The following NTSR2 variants were observed in gnomAD, a reference collection of about 807,000 sequenced individuals.
NTSR2 encodes neurotensin receptor 2.
A neutral mutation model predicts 24.1 loss-of-function variants in NTSR2; 22 were observed. The ratio of observed to expected loss-of-function variants is 0.91; its 90% CI spans 0.65 to 1.30. The LOEUF is 1.30. Ranked by LOEUF, NTSR2 falls within the 50% of genes most tolerant of loss-of-function variation. The pLI, the probability that NTSR2 is intolerant of heterozygous loss-of-function variation, is 0.00. For synonymous variants in NTSR2, 291 were observed against 267.0 expected (o/e 1.09, Z -0.88); for missense variants, 570 against 570.4 (o/e 1.00, Z 0.01).
At chr2:11,666,171 G>A (rs570974030) in intron 1 of NTSR2, among the ~76,000 whole-genome samples, 1 of 152,274 alleles carries the variant, frequency 6.6e-6, no homozygotes, top group East Asian at 1.9e-4. Flanking sequence ...GATCTCCCAG[G>A]CAAAGAGAGC....
rs145966091 is a variant in NTSR2, at chr2:11,658,713, G to T, written c.999C>A (p.Tyr333Ter). 1.5e-4 allele frequency: 236 copies of T among 1,613,992 alleles called. No individual in the cohort carries two copies. The highest frequency in any genetic ancestry group is 2.8e-4 in the Admixed American group (17 of 60,016). ...CCATGTAGAAGTAGTGGTAGAAATTGTACAGTGGGCTGCAAGAGAAACCCG... is the reference window on the plus strand; with the variant it reads ...CCATGTAGAAGTAGTGGTAGAAATTTTACAGTGGGCTGCAAGAGAAACCCG... ...VPDDAWTDPL[Y>*]NFYHYFYMVT... The change falls in exon 4 of 4, where the codon TAC becomes TAA. Residue 333 changes from tyrosine to a stop codon, truncating the protein, a stop_gained. Coordinates refer to ENST00000306928, the MANE Select transcript of NTSR2 (RefSeq NM_012344.4). LOFTEE classifies it low-confidence loss of function (END_TRUNC).
Position 11,658,451 on chromosome 2 carries a change from G to A in NTSR2, c.*28C>T, listed in dbSNP as rs984995366. On this transcript the variant is annotated 3_prime_UTR_variant, in exon 4 of 4. Coordinates refer to ENST00000306928, the MANE Select transcript of NTSR2 (RefSeq NM_012344.4). ...AGGTGACTAAGCAGCTGGTCATTTT[G>A]CTTGTTCTGTTCATTCTTGCATTAC... The A allele has an allele frequency of 8.3e-6, 13 of 1,558,082 alleles. No homozygotes were observed. The highest frequency in any genetic ancestry group is 1.1e-5 in the Non-Finnish European group (13 of 1,152,176).
In NTSR2 at chr2:11,658,616, TGAA is replaced by T; in HGVS notation, c.1093_1095del (p.Phe365del). 6.2e-7 allele frequency: 1 copy of T among 1,614,168 alleles called. No individual in the cohort carries two copies. The highest frequency in any genetic ancestry group is 8.5e-7 in the Non-Finnish European group (1 of 1,180,022). On this transcript the variant is annotated inframe_deletion, in exon 4 of 4. Transcript: ENST00000306928. ...CTGACGGCTTCCAGGAAGAGTTTTC[TGAA>T]GGAGGAGGACACGGCGTTGTAGAGA...
At chr2:11,663,799 A>C (rs549079746) in intron 1 of NTSR2, among the ~76,000 whole-genome samples, 4 of 152,296 alleles carry the variant, frequency 2.6e-5, no homozygotes, top group Admixed American at 2.6e-4. Context: ...AGTGGATACA[A>C]TTTAAAACAG....
chr2:11,667,723 C>T (rs1661235018), intron 1 of NTSR2, among the ~76,000 whole-genome samples: 1 of 152,116 alleles, frequency 6.6e-6, no homozygotes, highest in South Asian at 2.1e-4. Context: ...GCATTTGGTC[C>T]CTCCATCCTT....
rs1370670650 is a variant in NTSR2 at position 11,658,698 on chromosome 2, G to C, written c.1014C>G (p.Tyr338Ter). ...WTDPLYNFYH[Y>*]FYMVTNTLFY... The stretch of plus-strand genomic sequence containing the variant: ...AAAGTGTGTTGGTCACCATGTAGAA[G>C]TAGTGGTAGAAATTGTACAGTGGGC... The change falls in exon 4 of 4, where the codon TAC becomes TAG. Residue 338 changes from tyrosine to a stop codon, truncating the protein, a stop_gained. Transcript: ENST00000306928. LOFTEE classifies it low-confidence loss of function (END_TRUNC). 1 of 1,614,070 alleles carries C rather than the reference G, an allele frequency of 6.2e-7. No individual in the cohort carries two copies. Among genetic ancestry groups the C allele is most frequent in the African/African-American group, 1.3e-5 (1 of 74,932 alleles).
In NTSR2 at chr2:11,664,951, C is replaced by T. The variant is rs62118344; in HGVS notation, c.625-2711G>A. On this transcript the variant is annotated intron_variant, in intron 1 of 3. Transcript: ENST00000306928. Reference sequence around the variant, plus strand: ...TTGTCAAAAGATGCTGTTAGACTGACAGAATTCATTTCACAGCTTCATTGC... The same window carrying T: ...TTGTCAAAAGATGCTGTTAGACTGATAGAATTCATTTCACAGCTTCATTGC... Among the ~76,000 whole-genome samples, 951 of 151,854 alleles carry T rather than the reference C, an allele frequency of 6.3e-3. 2 individuals carry two copies. The highest frequency in any genetic ancestry group is 0.011 in the Non-Finnish European group (719 of 67,990).
chr2:11,669,460 G>GGGGGGGGGGGGCC, intron 1 of NTSR2, 46 bp downstream of exon 1: 10 of 254,712 alleles, frequency 3.9e-5, no homozygotes, highest in East Asian at 5.5e-5. Context: ...TCCCAGCACC[G>GGGGGGGGGGGGCC]CCCCCCCACC....
At chr2:11,659,858 A>C (rs1661031695) in intron 3 of NTSR2, among the ~76,000 whole-genome samples, 185 bp downstream of exon 3, 1 of 151,950 alleles carries the variant, frequency 6.6e-6, no homozygotes. Context: ...GGTCAGATAC[A>C]ATGTTCTGTT....
At chr2:11,660,493 C>T (rs556517565) in intron 2 of NTSR2, among the ~76,000 whole-genome samples, 2 of 152,272 alleles carry the variant, frequency 1.3e-5, no homozygotes, top group South Asian at 4.1e-4. Flanking sequence ...GGGCCAGGCA[C>T]GGTGGCTCAT....
intron 1 of NTSR2, among the ~76,000 whole-genome samples, chr2:11,667,951 T>C (rs1236895084): frequency 1.3e-5 from 2 of 151,986 alleles, no homozygotes; most frequent in Non-Finnish European, 2.9e-5. Context: ...AAATAAGAGG[T>C]GACAAGTTCA....
At chr2:11,669,460 G>GGGGGGGGGGGGGGGGCCCC in intron 1 of NTSR2, 46 bp downstream of exon 1, 7 of 254,716 alleles carry the variant, frequency 2.7e-5, no homozygotes, top group Non-Finnish European at 4.1e-5. Context: ...TCCCAGCACC[G>GGGGGGGGGGGGGGGGCCCC]CCCCCCCACC....
rs762907848 is a variant in NTSR2 at position 11,662,257 on chromosome 2, A to G, written c.625-17T>C. The G allele has an allele frequency of 1.2e-5, 18 of 1,488,654 alleles. No homozygotes were observed. In the South Asian group the frequency reaches 2.2e-4, roughly 19 times the overall value. 92.2% of individuals were successfully genotyped at this position (1,488,654 alleles called of 1,614,324 possible). A position where few individuals can be genotyped will look rare whatever the true frequency, so the allele number is the denominator to read the frequency against. ...CACATTCACCTGTGGAGGTAATGCC[A>G]AGGGCTATGGGGCAGCGCCAGGGCC... On this transcript the variant is annotated splice_polypyrimidine_tract_variant and intron_variant, in intron 1 of 3. Transcript: ENST00000306928.
chr2:11,669,966 T>A lies in NTSR2; in HGVS notation c.164A>T (p.His55Leu), dbSNP rs573640750. Residue 55 changes from histidine (H) to leucine (L), a missense_variant, in exon 1 of 4, where the codon CAC becomes CTC. Physicochemically the swap from His to Leu is moderately conservative, Grantham distance 99. Coordinates refer to ENST00000306928, the MANE Select transcript of NTSR2 (RefSeq NM_012344.4). The part of the protein sequence containing the change: ...LGAAGNALSA[H>L]VVLKARAGRA... ...CCCGGCCCGCGCCTTCAGCACCACG[T>A]GCGCGGACAGCGCATTGCCCGCCGC... 3 of 1,513,804 alleles carry A rather than the reference T, an allele frequency of 2.0e-6. No homozygotes were observed. The highest frequency in any genetic ancestry group is 2.2e-5 in the Admixed American group (1 of 46,182). The allele number at this position is 1,513,804 out of a possible 1,614,324, so 93.8% of individuals were successfully genotyped here.
intron 1 of NTSR2, 46 bp downstream of exon 1, chr2:11,669,460 G>GGGGGGGGGGGGCGCCCCCCC: frequency 3.9e-6 from 1 of 254,726 alleles, no homozygotes; most frequent in Non-Finnish European, 6.9e-6. Context: ...TCCCAGCACC[G>GGGGGGGGGGGGCGCCCCCCC]CCCCCCCACC....
intron 2 of NTSR2, among the ~76,000 whole-genome samples, chr2:11,660,682 A>G (rs1397866421): frequency 1.3e-5 from 2 of 152,176 alleles, no homozygotes; most frequent in Non-Finnish European, 2.9e-5. Context: ...AGGAGGTTGC[A>G]GTGAGCTGAG....
chr2:11,662,679 G>A (rs1461448823), intron 1 of NTSR2, among the ~76,000 whole-genome samples: 2 of 152,170 alleles, frequency 1.3e-5, no homozygotes, highest in African/African-American at 2.4e-5. Context: ...TACTCGGGAG[G>A]CTGAGCCAGG....
chr2:11,669,775 C>T lies in NTSR2; in HGVS notation c.355G>A (p.Ala119Thr). The T allele has an allele frequency of 3.2e-6, 5 of 1,547,380 alleles. No individual in the cohort carries two copies. The highest frequency in any genetic ancestry group is 4.3e-6 in the Non-Finnish European group (5 of 1,153,194). The stretch of plus-strand genomic sequence containing the variant: ...GCCACGCTCAGCACCGTGGCGTAGG[C>T]GCACAGCTCGTGCACGAAGTAGTAG... ...RGYYFVHELCAYATVLSVAGL... is the reference protein window; with the variant it reads ...RGYYFVHELCTYATVLSVAGL... The change falls in exon 1 of 4, where the codon GCC becomes ACC. Residue 119 changes from alanine (A) to threonine (T), a missense_variant. Transcript: ENST00000306928.
chr2:11,669,459 C>CGGGGGGGGGGGGGGGGCGG, intron 1 of NTSR2, 47 bp downstream of exon 1: 1 of 337,896 alleles, frequency 3.0e-6, no homozygotes, highest in Non-Finnish European at 5.3e-6. Flanking sequence ...CTCCCAGCAC[C>CGGGGGGGGGGGGGGGGCGG]GCCCCCCCAC....
Sources: allele counts gnomAD v4.1 joint callset (sites outside exome capture counted in the v4.1 genomes callset), GRCh38; gene constraint gnomAD v4.1.1; transcripts MANE v1.5; gene names NCBI Gene and HGNC (gene_info 2026-07-23, HGNC 2026-07-21).